Variants in JAK2 observed in about 807,000 individuals in gnomAD.
JAK2 encodes the protein tyrosine-protein kinase JAK2.
A neutral mutation model predicts 139.3 loss-of-function variants in JAK2; 86 were observed. The ratio of observed to expected loss-of-function variants is 0.62; its 90% CI spans 0.52 to 0.74. JAK2 has a LOEUF of 0.74. Ranked by LOEUF, JAK2 falls within the 30% of genes least tolerant of loss-of-function variation. JAK2 has a pLI of 0.00. For missense variants in JAK2, 1,421 were observed against 1,360.3 expected (o/e 1.04, Z -0.70); for synonymous variants, 490 against 437.7 (o/e 1.12, Z -1.49).
intron 2 of JAK2, among the ~76,000 whole-genome samples, chr9:5,005,112 T>TAGG (rs1821205955): frequency 1.1e-5 from 1 of 87,546 alleles, no homozygotes; most frequent in Non-Finnish European, 2.4e-5. Flanking sequence ...TTTTTTTTTT[T>TAGG]TTTTTTTTTT....
In JAK2 at chr9:5,054,389, T is replaced by C. The variant is rs1368787749; in HGVS notation, c.615-174T>C. 6.6e-6 allele frequency among the ~76,000 whole-genome samples: 1 copy of C among 151,960 alleles called. No homozygotes were observed. Among genetic ancestry groups the C allele is most frequent in the Non-Finnish European group, 1.5e-5 (1 of 67,894 alleles). On this transcript the variant is annotated intron_variant, in intron 6 of 24. Coordinates refer to ENST00000381652, the MANE Select transcript of JAK2 (RefSeq NM_004972.4). The surrounding 1 kb of genome is among the most constrained non-coding windows in gnomAD (Gnocchi z 4.9). ...GATATATTTATATCATCAAACAAAATCTTAAAGTTTTATACTGTATGGATG... is the reference window on the plus strand; with the variant it reads ...GATATATTTATATCATCAAACAAAACCTTAAAGTTTTATACTGTATGGATG...
At chr9:5,105,565 T>C (rs1279093663) in intron 22 of JAK2, among the ~76,000 whole-genome samples, 1 of 152,156 alleles carries the variant, frequency 6.6e-6, no homozygotes, top group African/African-American at 2.4e-5. Flanking sequence ...AAACAACTAC[T>C]TTCAAGTTCA....
chr9:5,048,358 G>C (rs1817175291), intron 5 of JAK2, among the ~76,000 whole-genome samples: 2 of 152,062 alleles, frequency 1.3e-5, no homozygotes, highest in South Asian at 4.1e-4. Flanking sequence ...GGCCAGGCTG[G>C]TCTCGAACTC....
chr9:5,126,748 T>C lies in JAK2; in HGVS notation c.3356T>C (p.Leu1119Pro). The change falls in exon 25 of 25, where the codon CTA becomes CCA. Residue 1119 changes from leucine to proline, a missense_variant. By Grantham distance (98) the Leu-to-Pro change is moderately conservative. Transcript: ENST00000381652. ...NVNQRPSFRD[L>P]ALRVDQIRDN... ...AATCAACGCCCCTCCTTTAGGGATC[T>C]AGCTCTTCGAGTGGATCAAATAAGG... 6.2e-7 allele frequency: 1 copy of C among 1,610,964 alleles called. No individual in the cohort carries two copies. Among genetic ancestry groups the C allele is most frequent in the Non-Finnish European group, 8.5e-7 (1 of 1,177,604 alleles).
intron 22 of JAK2, chr9:5,114,566 G>C (rs977288046): frequency 8.2e-6 from 4 of 489,698 alleles, no homozygotes; most frequent in African/African-American, 2.0e-5. Flanking sequence ...GCCTGATCCA[G>C]AACTTCTGGC....
At chr9:5,118,440 A>G (rs896248701) in intron 22 of JAK2, among the ~76,000 whole-genome samples, 4 of 152,214 alleles carry the variant, frequency 2.6e-5, no homozygotes, top group African/African-American at 9.6e-5. Flanking sequence ...ACTTGTAACT[A>G]TTCACATTTT....
intron 22 of JAK2, among the ~76,000 whole-genome samples, chr9:5,093,351 C>T (rs886726166): frequency 7.9e-5 from 12 of 152,254 alleles, no homozygotes; most frequent in Middle Eastern, 3.4e-3. Flanking sequence ...ATATGTTCAA[C>T]GACCACCATA....
intron 6 of JAK2, among the ~76,000 whole-genome samples, chr9:5,053,391 A>G (rs1207246083): frequency 2.0e-5 from 3 of 152,092 alleles, no homozygotes; most frequent in African/African-American, 7.2e-5. Flanking sequence ...ACATATAATC[A>G]TATTTATGAT....
intron 4 of JAK2, chr9:5,041,044 T>C: frequency 1.0e-5 from 7 of 681,560 alleles, no homozygotes; most frequent in South Asian, 8.9e-5. Flanking sequence ...TACAAGCAGC[T>C]CAGCGCCATA....
chr9:4,996,700 C>G (rs1037668219), intron 2 of JAK2, among the ~76,000 whole-genome samples: 2 of 151,756 alleles, frequency 1.3e-5, no homozygotes, highest in African/African-American at 4.8e-5. Context: ...TTGCCTTCAC[C>G]CCTACCCCTC....
At chr9:5,111,783 C>T (rs1822577668) in intron 22 of JAK2, 1 of 422,910 alleles carries the variant, frequency 2.4e-6, no homozygotes, top group East Asian at 6.4e-5. Flanking sequence ...GCTGCATCCA[C>T]CTTCTCCTTG....
chr9:5,055,080 T>C (rs1185006940), intron 7 of JAK2, among the ~76,000 whole-genome samples, 196 bp downstream of exon 7: 5 of 152,026 alleles, frequency 3.3e-5, no homozygotes, highest in Admixed American at 3.3e-4. Flanking sequence ...CATTTAATTT[T>C]TTATGACAAA....
At position 5,127,103 on chromosome 9, in the gene JAK2, T is replaced by G. The variant is rs115094619; in HGVS notation, c.*312T>G. 1,170 of 267,346 alleles carry G rather than the reference T, an allele frequency of 4.4e-3. 15 individuals carry two copies. The highest frequency in any genetic ancestry group is 0.024 in the African/African-American group (1,114 of 45,734). 16.6% of individuals were successfully genotyped at this position (267,346 alleles called of 1,614,324 possible). A position where few individuals can be genotyped will look rare whatever the true frequency, so the allele number is the denominator to read the frequency against. On this transcript the variant is annotated 3_prime_UTR_variant, in exon 25 of 25. Transcript: ENST00000381652. Reference sequence around the variant, plus strand: ...TTTTTCAACTCAGCTTTTTGAGACCTGAAAAAATTATTATGTAAATTTTGC... The same window carrying G: ...TTTTTCAACTCAGCTTTTTGAGACCGGAAAAAATTATTATGTAAATTTTGC...
chr9:5,016,121 T>C (rs1480670171), intron 2 of JAK2, among the ~76,000 whole-genome samples: 2 of 152,160 alleles, frequency 1.3e-5, no homozygotes, highest in Non-Finnish European at 2.9e-5. Flanking sequence ...AAATAGACTA[T>C]TGGAAGGGGA....
intron 22 of JAK2, chr9:5,108,362 A>G (rs920074452): frequency 6.6e-6 from 1 of 152,074 alleles, no homozygotes; most frequent in East Asian, 1.9e-4. Flanking sequence ...ATGCAAGCTC[A>G]TATTTCCTAT....
At chr9:5,105,899 T>C (rs550725328) in intron 22 of JAK2, among the ~76,000 whole-genome samples, 21 of 152,288 alleles carry the variant, frequency 1.4e-4, no homozygotes, top group African/African-American at 4.8e-4. Context: ...TTACACCTTA[T>C]AGAAAAATTA....
intron 22 of JAK2, among the ~76,000 whole-genome samples, chr9:5,120,850 G>T (rs1181563726): frequency 6.6e-6 from 1 of 152,172 alleles, no homozygotes; most frequent in Non-Finnish European, 1.5e-5. Flanking sequence ...TAAATAGATT[G>T]TGATGCTATT....
At chr9:5,113,632 C>A in intron 22 of JAK2, 1 of 161,314 alleles carries the variant, frequency 6.2e-6, no homozygotes. Flanking sequence ...TGAACCTGGG[C>A]TGCCTGGCCA....
intron 8 of JAK2, among the ~76,000 whole-genome samples, chr9:5,056,428 TTAA>T (rs2130425423): frequency 6.6e-6 from 1 of 152,228 alleles, no homozygotes; most frequent in East Asian, 1.9e-4. Context: ...ACTAGTCCTA[TTAA>T]TGTTATTTGT....
Sources: gnomAD v4.1 joint callset for allele counts (sites outside exome capture counted in the v4.1 genomes callset) on GRCh38, gnomAD v4.1.1 for gene constraint, Gnocchi (gnomAD v3.1) non-coding constraint, MANE v1.5 for transcripts, NCBI Gene and HGNC (gene_info 2026-07-23, HGNC 2026-07-21) for gene names.